Variants in NBEA observed in about 807,000 individuals in gnomAD.
NBEA encodes the protein neurobeachin, also known as lysosomal-trafficking regulator 2.
NBEA carries 44 observed loss-of-function variants against 343.4 expected under a neutral mutation model. The observed-to-expected ratio is 0.13, with a 90% CI of 0.10 to 0.16. The LOEUF (loss-of-function observed/expected upper bound fraction) is 0.16, where lower values mean the gene tolerates loss of function less well. NBEA is among the 10% of genes least tolerant of loss of function. The pLI, the probability that NBEA is intolerant of heterozygous loss-of-function variation, is 1.00. For missense variants in NBEA, 2,555 were observed against 3,631.3 expected, an observed-to-expected ratio of 0.70 and a Z score of 7.62; for synonymous variants, 1,175 against 1,238.7, an observed-to-expected ratio of 0.95 and a Z score of 1.08.
chr13:35,251,622 G>T lies in NBEA; in HGVS notation c.5776+19003G>T. On this transcript the variant is annotated intron_variant, in intron 34 of 58. Transcript: ENST00000379939. Reference sequence around the variant, plus strand: ...AGGTAGCTCAGCGGGAAGCAGAGATGGCCAGATTTGAGGTGGAAAAGGATG... The same window carrying T: ...AGGTAGCTCAGCGGGAAGCAGAGATTGCCAGATTTGAGGTGGAAAAGGATG... 3 of 1,146,088 alleles carry T rather than the reference G, an allele frequency of 2.6e-6. No homozygotes were observed. The South Asian group carries it at 4.7e-5, about 18-fold the overall frequency. 71.0% of individuals were successfully genotyped at this position (1,146,088 alleles called of 1,614,324 possible).
At chr13:35,424,544 G>A (rs535021615) in intron 38 of NBEA, among the ~76,000 whole-genome samples, 13 of 152,142 alleles carry the variant, frequency 8.5e-5, no homozygotes, top group African/African-American at 2.7e-4. Context: ...TGCTGGATTC[G>A]GTTTGCCAGT....
At chr13:35,410,713 T>G (rs2152916525) in intron 38 of NBEA, among the ~76,000 whole-genome samples, 1 of 152,242 alleles carries the variant, frequency 6.6e-6, no homozygotes, top group East Asian at 1.9e-4. Flanking sequence ...TTTTACATTA[T>G]TAACTGAAGA....
At chr13:35,256,253 A>G (rs927557505) in intron 34 of NBEA, among the ~76,000 whole-genome samples, 2 of 152,170 alleles carry the variant, frequency 1.3e-5, no homozygotes, top group Non-Finnish European at 2.9e-5. Context: ...TTCTGCAGGC[A>G]GGTCATCCTG....
chr13:35,066,021 G>C (rs961726053), intron 8 of NBEA, among the ~76,000 whole-genome samples: 1 of 152,094 alleles, frequency 6.6e-6, no homozygotes, highest in Non-Finnish European at 1.5e-5. Context: ...GAGTGCAGTG[G>C]TGCAGTCCTA....
At chr13:35,228,323 A>G (rs2074775357) in intron 33 of NBEA, among the ~76,000 whole-genome samples, 1 of 151,072 alleles carries the variant, frequency 6.6e-6, no homozygotes, top group Non-Finnish European at 1.5e-5. Flanking sequence ...AGAGTGGTTT[A>G]TAATTTCTCA....
intron 34 of NBEA, among the ~76,000 whole-genome samples, chr13:35,258,423 C>G (rs185405316): frequency 8.0e-4 from 122 of 151,938 alleles, no homozygotes; most frequent in African/African-American, 2.9e-3. Flanking sequence ...CTCAGCGTCC[C>G]TAAGTGCTGG....
chr13:35,440,842 T>C (rs556739834), intron 39 of NBEA, among the ~76,000 whole-genome samples: 2 of 152,270 alleles, frequency 1.3e-5, no homozygotes, highest in South Asian at 4.1e-4. Flanking sequence ...CATTTGGAAT[T>C]TCCTTAACTA....
At chr13:35,184,273 A>T (rs141787966) in intron 30 of NBEA, among the ~76,000 whole-genome samples, 110 of 152,174 alleles carry the variant, frequency 7.2e-4, no homozygotes, top group African/African-American at 2.6e-3. Flanking sequence ...TTTAAGTATC[A>T]TCTATAAATT....
chr13:35,037,150 T>A (rs1299009113), intron 1 of NBEA, among the ~76,000 whole-genome samples: 1 of 152,214 alleles, frequency 6.6e-6, no homozygotes, highest in East Asian at 1.9e-4. Context: ...ATTAATTCTT[T>A]CCTCTGGTTG....
chr13:35,402,886 G>A (rs1270955778), intron 38 of NBEA, among the ~76,000 whole-genome samples: 1 of 151,924 alleles, frequency 6.6e-6, no homozygotes, highest in East Asian at 1.9e-4. Context: ...TCCTTTTTGG[G>A]CTAAAAGTGT....
At position 35,364,269 on chromosome 13, in the gene NBEA, C is replaced by T. The variant is rs566216096; in HGVS notation, c.6179+11946C>T. The stretch of plus-strand genomic sequence containing the variant: ...CCCATATACACAAATAGTCTATCAG[C>T]AAGTCCAACAACACATGTAGAGTAT... On this transcript the variant is annotated intron_variant, in intron 38 of 58. Coordinates refer to ENST00000379939, the MANE Select transcript of NBEA (RefSeq NM_001385012.1). 2.0e-5 allele frequency among the ~76,000 whole-genome samples: 3 copies of T among 151,906 alleles called. No individual in the cohort carries two copies. The South Asian group carries it at 6.2e-4, about 32-fold the overall frequency.
chr13:35,058,665 A>AAATTTTTTT, intron 7 of NBEA, 52 bp from the exon 8 acceptor site: 1 of 1,435,804 alleles, frequency 7.0e-7, no homozygotes. Context: ...AAGGATTTAA[A>AAATTTTTTT]CCTTTTTGTC....
intron 38 of NBEA, among the ~76,000 whole-genome samples, chr13:35,368,243 A>T (rs535158017): frequency 4.3e-4 from 65 of 151,670 alleles, no homozygotes; most frequent in African/African-American, 1.5e-3. Context: ...AATTCCAGCT[A>T]TTTCTAATTT....
intron 1 of NBEA, among the ~76,000 whole-genome samples, chr13:34,947,547 C>T (rs1212826792): frequency 6.6e-6 from 1 of 151,932 alleles, no homozygotes; most frequent in Non-Finnish European, 1.5e-5. Flanking sequence ...CCAGGTTTTC[C>T]ATTTCTTGTC....
At position 35,282,242 on chromosome 13, in the gene NBEA, C is replaced by G. The variant is rs926040920; in HGVS notation, c.5777-8147C>G. ...TTTTATTTTTAATATGGAAGCATTA[C>G]TATAGCCACTTTTATTTAAATGTAA... On this transcript the variant is annotated intron_variant, in intron 34 of 58. Transcript: ENST00000379939. 4.6e-5 allele frequency among the ~76,000 whole-genome samples: 7 copies of G among 152,050 alleles called. No individual in the cohort carries two copies. In the East Asian group the frequency reaches 1.3e-3, roughly 29 times the overall value.
chr13:35,452,337 A>G, intron 40 of NBEA, 102 bp downstream of exon 40: 1 of 814,260 alleles, frequency 1.2e-6, no homozygotes, highest in Non-Finnish European at 2.0e-6. Flanking sequence ...AATGGTTGTA[A>G]CAATGCTCAA....
chr13:35,052,346 A>T (rs1172658331), intron 6 of NBEA, among the ~76,000 whole-genome samples: 2 of 152,016 alleles, frequency 1.3e-5, no homozygotes, highest in East Asian at 3.8e-4. Flanking sequence ...AGAACTTGTG[A>T]AAATGGATAT....
At chr13:35,562,577 A>T (rs2079909021) in intron 44 of NBEA, among the ~76,000 whole-genome samples, 2 of 151,824 alleles carry the variant, frequency 1.3e-5, no homozygotes, top group South Asian at 4.1e-4. Flanking sequence ...AGCATTTTCC[A>T]CTTTTTTACT....
chr13:34,997,764 A>G (rs2060987769), intron 1 of NBEA, among the ~76,000 whole-genome samples: 1 of 152,128 alleles, frequency 6.6e-6, no homozygotes, highest in South Asian at 2.1e-4. Flanking sequence ...CATTGTTGTA[A>G]TTTCAGGCAG....
Sources: allele counts gnomAD v4.1 joint callset (sites outside exome capture counted in the v4.1 genomes callset), GRCh38; gene constraint gnomAD v4.1.1; transcripts MANE v1.5; gene names NCBI Gene and HGNC (gene_info 2026-07-23, HGNC 2026-07-21).